Variants in TRMT6 observed in about 807,000 individuals in gnomAD.
TRMT6 encodes the protein tRNA methyltransferase 6 non-catalytic subunit.
Under a neutral mutation model 59.0 loss-of-function variants are expected in TRMT6, and 34 were observed. The observed-to-expected ratio is 0.58, with a 90% CI of 0.44 to 0.77. The LOEUF is 0.77. Ranked by LOEUF, TRMT6 falls within the 30% of genes least tolerant of loss-of-function variation. TRMT6 has a pLI of 0.00. For missense variants in TRMT6, 575 were observed against 604.5 expected, an observed-to-expected ratio of 0.95 and a Z score of 0.51; for synonymous variants, 217 against 210.5, an observed-to-expected ratio of 1.03 and a Z score of -0.27.
At chr20:5,939,145 A>G (rs1284421762) in intron 10 of TRMT6, among the ~76,000 whole-genome samples, 1 of 152,072 alleles carries the variant, frequency 6.6e-6, no homozygotes, top group Non-Finnish European at 1.5e-5. Context: ...TCACATTACA[A>G]TGCAAAGAAA....
intron 2 of TRMT6, among the ~76,000 whole-genome samples, chr20:5,945,783 A>G (rs1468737599): frequency 6.6e-6 from 1 of 152,222 alleles, no homozygotes; most frequent in African/African-American, 2.4e-5. Context: ...AATAAATATA[A>G]TTTTAATTAA....
At position 5,942,806 on chromosome 20, in the gene TRMT6, AAAC is replaced by A; in HGVS notation, c.668-23_668-21del. 1 of 1,588,982 alleles carries A rather than the reference AAAC, an allele frequency of 6.3e-7. No individual in the cohort carries two copies. Among genetic ancestry groups the A allele is most frequent in the South Asian group, 1.1e-5 (1 of 90,016 alleles). ...CAAAACCTGAACAGATAAAAGAAACAAACATCTGCCCGTGGAGTGACTCTAGAC... is the reference window on the plus strand; with the variant it reads ...CAAAACCTGAACAGATAAAAGAAACAATCTGCCCGTGGAGTGACTCTAGAC... On this transcript the variant is annotated intron_variant, in intron 6 of 10. Transcript: ENST00000203001.
chr20:5,943,862 G>A (rs2088681374), intron 5 of TRMT6, 86 bp downstream of exon 5: 2 of 1,539,296 alleles, frequency 1.3e-6, no homozygotes, highest in South Asian at 2.5e-5. Flanking sequence ...ATGCAGGTGA[G>A]CAAGCTTTTT....
chr20:5,948,572 G>A (rs1376557992), intron 1 of TRMT6, among the ~76,000 whole-genome samples: 1 of 152,114 alleles, frequency 6.6e-6, no homozygotes, highest in Non-Finnish European at 1.5e-5. Flanking sequence ...GTCAACTACT[G>A]TTCATGCCTG....
At position 5,942,779 on chromosome 20, in the gene TRMT6, G is replaced by C. The variant is rs1401258523; in HGVS notation, c.675C>G (p.Gly225=). 6.2e-7 allele frequency: 1 copy of C among 1,611,764 alleles called. No individual in the cohort carries two copies. Among genetic ancestry groups the C allele is most frequent in the East Asian group, 2.2e-5 (1 of 44,870 alleles). Residue 225 remains glycine, a synonymous_variant, in exon 7 of 11, where the codon GGC becomes GGG. Coordinates refer to ENST00000203001, the MANE Select transcript of TRMT6 (RefSeq NM_015939.5). The part of the protein sequence containing the change: ...GAMMERMGGF[G]SIIQLYPGGG... ...CTCCAGGGTATAGCTGAATAATGGAGCCAAAACCTGAACAGATAAAAGAAA... is the reference window on the plus strand; with the variant it reads ...CTCCAGGGTATAGCTGAATAATGGACCCAAAACCTGAACAGATAAAAGAAA...
rs6053804 is a variant in TRMT6 at position 5,944,069 on chromosome 20, T to C, written c.459-38A>G. 287 of 1,465,254 alleles carry C rather than the reference T, an allele frequency of 2.0e-4. No homozygotes were observed. In the African/African-American group the frequency reaches 3.7e-3, roughly 19 times the overall value. The allele number at this position is 1,465,254 out of a possible 1,614,324, so 90.8% of individuals were successfully genotyped here. A position where few individuals can be genotyped will look rare whatever the true frequency, so the allele number is the denominator to read the frequency against. ...AAAACAGAACGCTGATTTAAAAAAA[T>C]GACTTAAAATATTTTATTTGTAATA... On this transcript the variant is annotated intron_variant, in intron 4 of 10. Transcript: ENST00000203001.
chr20:5,944,898 G>A lies in TRMT6; in HGVS notation c.273C>T (p.Gly91=). ...CATCAACTATATTTCGATTATCAGT[G>A]CCCGCTTCTTTAGTCTCTAAGGAAA... is the stretch of plus-strand genomic sequence containing the variant. ...EEPTAETKEA[G]TDNRNIVDDG... The change falls in exon 3 of 11, where the codon GGC becomes GGT. Residue 91 remains glycine (G), a synonymous_variant. Transcript: ENST00000203001. 1 of 1,612,964 alleles carries A rather than the reference G, an allele frequency of 6.2e-7. No individual in the cohort carries two copies. Among genetic ancestry groups the A allele is most frequent in the Non-Finnish European group, 8.5e-7 (1 of 1,179,078 alleles).
At position 5,942,591 on chromosome 20, in the gene TRMT6, C is replaced by T. The variant is rs1369099782; in HGVS notation, c.863G>A (p.Ser288Asn). 2.5e-6 allele frequency: 4 copies of T among 1,614,098 alleles called. No homozygotes were observed. The highest frequency in any genetic ancestry group is 1.7e-5 in the Admixed American group (1 of 60,014). The change falls in exon 7 of 11, where the codon AGT (serine) becomes AAT (asparagine). Residue 288 changes from serine to asparagine, a missense_variant. By Grantham distance (46) the Ser-to-Asn change is conservative (BLOSUM62 1). Transcript: ENST00000203001. ...CTGTTTTTCCTCCAGTGTGCCATTA[C>T]TTTCTTCAACCAAAGCACTGTCTTT... The part of the protein sequence containing the change: ...EPKDSALVEE[S>N]NGTLEEKQAS...
chr20:5,941,214 A>G, intron 9 of TRMT6, 29 bp downstream of exon 9: 1 of 1,609,274 alleles, frequency 6.2e-7, no homozygotes. Flanking sequence ...CAGACATAAG[A>G]ATTCCTGCCC....
rs973247731 is a variant in TRMT6 at position 5,942,679 on chromosome 20, G to T, written c.775C>A (p.Leu259Ile). The T allele has an allele frequency of 1.2e-6, 2 of 1,614,044 alleles. No individual in the cohort carries two copies. Among genetic ancestry groups the T allele is most frequent in the Admixed American group, 1.7e-5 (1 of 60,002 alleles). ...SFLSGLYEFP[L>I]NKVDSLLHGT... ...TGTAGAAGACTGTCCACTTTGTTGA[G>T]AGGGAATTCATAAAGACCACTGAGA... Residue 259 changes from leucine to isoleucine, a missense_variant, in exon 7 of 11, where the codon CTC (leucine) becomes ATC (isoleucine). Leu to Ile is a conservative substitution (Grantham distance 5). Coordinates refer to ENST00000203001, the MANE Select transcript of TRMT6 (RefSeq NM_015939.5).
At chr20:5,948,077 G>A (rs1207195600) in intron 1 of TRMT6, among the ~76,000 whole-genome samples, 3 of 152,012 alleles carry the variant, frequency 2.0e-5, no homozygotes. Context: ...CCAAGTTCAC[G>A]CCACTACACT....
intron 4 of TRMT6, 22 bp from the exon 5 acceptor site, chr20:5,944,053 C>A (rs377148631): frequency 6.5e-7 from 1 of 1,529,570 alleles, no homozygotes; most frequent in East Asian, 2.3e-5. Context: ...AAAAACAGAA[C>A]GCTGATTTAA....
At chr20:5,945,710 C>T (rs236179) in intron 2 of TRMT6, among the ~76,000 whole-genome samples, 36,826 of 152,080 alleles carry the variant, frequency 0.24, 6,906 homozygotes, top group African/African-American at 0.52. Context: ...AAAACTTTAA[C>T]AGTATTTAAC....
At chr20:5,949,491 T>A (rs941548676) in intron 1 of TRMT6, among the ~76,000 whole-genome samples, 1 of 152,214 alleles carries the variant, frequency 6.6e-6, no homozygotes, top group Non-Finnish European at 1.5e-5. Context: ...AAAATCCCAC[T>A]TCTTTACTTC....
chr20:5,941,287 C>A lies in TRMT6; in HGVS notation c.1171G>T (p.Val391Leu), dbSNP rs2088653614. Residue 391 changes from valine (V) to leucine (L), a missense_variant, in exon 9 of 11, where the codon GTG (valine) becomes TTG (leucine). Transcript: ENST00000203001. ...TPLLLSLLDFVAPSRPFVVYC... is the reference protein window; with the variant it reads ...TPLLLSLLDFLAPSRPFVVYC... ...ACCACAAACGGCCTTGAAGGGGCCA[C>A]AAAGTCCAGCAAAGACAGCAGCAGG... 1.2e-6 allele frequency: 2 copies of A among 1,614,160 alleles called. No homozygotes were observed. Among genetic ancestry groups the A allele is most frequent in the Non-Finnish European group, 1.7e-6 (2 of 1,180,046 alleles).
At position 5,941,894 on chromosome 20, in the gene TRMT6, G is replaced by A. The variant is rs2088659084; in HGVS notation, c.1112+57C>T. ...ACAAGGAGAAAGAGAATGCCAATCT[G>A]TCTGAAGCAGAGCCCACATGCACTG... is the stretch of plus-strand genomic sequence containing the variant. On this transcript the variant is annotated intron_variant, in intron 8 of 10. Transcript: ENST00000203001. The A allele has an allele frequency of 1.3e-5, 18 of 1,404,700 alleles. No homozygotes were observed. In the South Asian group the frequency reaches 2.0e-4, roughly 15 times the overall value. 87.0% of individuals were successfully genotyped at this position (1,404,700 alleles called of 1,614,324 possible).
intron 6 of TRMT6, 129 bp downstream of exon 6, chr20:5,943,430 C>A: frequency 8.1e-7 from 1 of 1,229,156 alleles, no homozygotes; most frequent in African/African-American, 1.5e-5. Flanking sequence ...AGGAGCCGTG[C>A]AGGTTCACCC....
intron 1 of TRMT6, among the ~76,000 whole-genome samples, chr20:5,948,216 T>C (rs1442328285): frequency 6.6e-6 from 1 of 152,182 alleles, no homozygotes; most frequent in South Asian, 2.1e-4. Context: ...GAGGGGATGA[T>C]GCGTGTCACT....
Position 5,941,056 on chromosome 20 carries a change from A to G in TRMT6, c.1299T>C (p.Tyr433=). The G allele has an allele frequency of 6.2e-7, 1 of 1,613,720 alleles. No individual in the cohort carries two copies. The highest frequency in any genetic ancestry group is 8.5e-7 in the Non-Finnish European group (1 of 1,179,610). Reference sequence around the variant, plus strand: ...GACTGGCTGTAAGAACACGTACCTGATAATTTCTGAGCCAGGTTTCAGACA... The same window carrying G: ...GACTGGCTGTAAGAACACGTACCTGGTAATTTCTGAGCCAGGTTTCAGACA... ...LRLSETWLRN[Y]QVLPDRSHPK... The change falls in exon 10 of 11, where the codon TAT becomes TAC. Residue 433 remains tyrosine (Y), a synonymous_variant. Coordinates refer to ENST00000203001, the MANE Select transcript of TRMT6 (RefSeq NM_015939.5).
Sources: allele counts gnomAD v4.1 joint callset (sites outside exome capture counted in the v4.1 genomes callset), GRCh38; gene constraint gnomAD v4.1.1; transcripts MANE v1.5; gene names NCBI Gene and HGNC (gene_info 2026-07-23, HGNC 2026-07-21).